The following PROSER2 variants were observed in gnomAD, a reference collection of about 807,000 sequenced individuals.
PROSER2 encodes the protein proline and serine-rich protein 2.
In PROSER2, 18 loss-of-function variants were observed where a neutral mutation model predicts 14.6. That is an observed-to-expected ratio of 1.23 (90% CI 0.85 to 1.83). PROSER2 has a LOEUF of 1.83. Ranked by LOEUF, PROSER2 falls within the 40% of genes most tolerant of loss-of-function variation. PROSER2 has a pLI of 0.00. For synonymous variants in PROSER2, 367 were observed against 286.4 expected, an observed-to-expected ratio of 1.28 and a Z score of -2.84; for missense variants, 823 against 629.8, an observed-to-expected ratio of 1.31 and a Z score of -3.28.
chr10:11,852,098 A>G lies in PROSER2; in HGVS notation c.21A>G (p.Lys7=), dbSNP rs374786234. Residue 7 remains lysine, a synonymous_variant, in exon 2 of 4, where the codon AAA becomes AAG. Transcript: ENST00000277570. The part of the protein sequence containing the change: MPVTHR[K]SDASDMNSDT... ...TGGAGATGCCTGTAACCCACCGGAA[A>G]TCAGACGCATCTGACATGAACTCAG... The G allele has an allele frequency of 6.2e-6, 10 of 1,612,326 alleles. No individual in the cohort carries two copies. Among genetic ancestry groups the G allele is most frequent in the Non-Finnish European group, 8.5e-6 (10 of 1,179,102 alleles).
Position 11,870,060 on chromosome 10 carries a change from GC to G in PROSER2, c.964del (p.Leu322CysfsTer31). 8.0e-7 allele frequency: 1 copy of G among 1,245,404 alleles called. No homozygotes were observed. Among genetic ancestry groups the G allele is most frequent in the Non-Finnish European group, 1.0e-6 (1 of 995,112 alleles). 77.1% of individuals were successfully genotyped at this position (1,245,404 alleles called of 1,614,324 possible). ...SSPERVARGR[G>X]LPGPAESLRA... ...CCGGAGCGGGTGGCGCGTGGCCGGG[GC>G]CTGCCGGGCCCCGCTGAGAGTCTCC... On this transcript the variant is annotated frameshift_variant, in exon 4 of 4. Coordinates refer to ENST00000277570, the MANE Select transcript of PROSER2 (RefSeq NM_153256.4). LOFTEE classifies it low-confidence loss of function (END_TRUNC).
Position 11,865,986 on chromosome 10 carries a change from C to T in PROSER2, c.139-545C>T, listed in dbSNP as rs1431642385. ...GCCTTCTCAGTCAGTTTCCACCTGTCCTGCTCTCCGGCTGCCCTGCTTTTG... is the reference window on the plus strand; with the variant it reads ...GCCTTCTCAGTCAGTTTCCACCTGTTCTGCTCTCCGGCTGCCCTGCTTTTG... On this transcript the variant is annotated intron_variant, in intron 2 of 3. Coordinates refer to ENST00000277570, the MANE Select transcript of PROSER2 (RefSeq NM_153256.4). The surrounding 1 kb of genome is among the most constrained non-coding windows in gnomAD (Gnocchi z 4.2). Among the ~76,000 whole-genome samples the T allele has an allele frequency of 6.6e-6, 1 of 152,144 alleles. No individual in the cohort carries two copies. The highest frequency in any genetic ancestry group is 1.5e-5 in the Non-Finnish European group (1 of 68,022).
At chr10:11,842,971 T>C (rs1195479014) in intron 1 of PROSER2, among the ~76,000 whole-genome samples, 1 of 136,518 alleles carries the variant, frequency 7.3e-6, no homozygotes, top group Non-Finnish European at 1.6e-5. Flanking sequence ...GATGGAGTCT[T>C]GCTCTGTCGC....
intron 1 of PROSER2, among the ~76,000 whole-genome samples, chr10:11,842,117 G>T (rs572092413): frequency 3.3e-5 from 5 of 151,978 alleles, no homozygotes; most frequent in African/African-American, 7.2e-5. Context: ...AGCTACTTGA[G>T]AGGCTAAGGC....
intron 1 of PROSER2, among the ~76,000 whole-genome samples, chr10:11,843,730 C>T (rs1833884376): frequency 6.7e-6 from 1 of 149,164 alleles, no homozygotes; most frequent in Admixed American, 6.7e-5. Context: ...TGGGCTCCTG[C>T]AATCCCAGCT....
At chr10:11,849,129 G>T (rs1833973940) in intron 1 of PROSER2, among the ~76,000 whole-genome samples, 1 of 152,060 alleles carries the variant, frequency 6.6e-6, no homozygotes, top group African/African-American at 2.4e-5. Context: ...GGAGGTTGCG[G>T]TAAGCCGAGA....
At chr10:11,867,855 G>A (rs535824206) in intron 3 of PROSER2, among the ~76,000 whole-genome samples, 166 of 152,250 alleles carry the variant, frequency 1.1e-3, no homozygotes, top group Middle Eastern at 3.4e-3. Flanking sequence ...TTCCCCGATT[G>A]GAAAGGATAC....
At chr10:11,855,342 C>T (rs1219846286) in intron 2 of PROSER2, among the ~76,000 whole-genome samples, 1 of 151,474 alleles carries the variant, frequency 6.6e-6, no homozygotes, top group South Asian at 2.1e-4. Flanking sequence ...GGCGTGTTGG[C>T]GGGCGCCTGT....
At chr10:11,848,544 C>G (rs980834908) in intron 1 of PROSER2, among the ~76,000 whole-genome samples, 1 of 152,174 alleles carries the variant, frequency 6.6e-6, no homozygotes, top group Non-Finnish European at 1.5e-5. Flanking sequence ...TCAGGGCCTT[C>G]TCTTGGTTCT....
chr10:11,847,479 G>A (rs957838949), intron 1 of PROSER2, among the ~76,000 whole-genome samples: 3 of 152,058 alleles, frequency 2.0e-5, no homozygotes, highest in Admixed American at 6.6e-5. Context: ...GTGCATTGGC[G>A]CAATCTCTGC....
At chr10:11,828,704 AAAAT>A (rs1014997458) in intron 1 of PROSER2, among the ~76,000 whole-genome samples, 2 of 152,168 alleles carry the variant, frequency 1.3e-5, no homozygotes, top group African/African-American at 4.8e-5. Context: ...CTTTATCTCC[AAAAT>A]AAATAAATAA....
rs939754025 is a variant in PROSER2, at chr10:11,869,100, C to G, written c.392-390C>G. On this transcript the variant is annotated intron_variant, in intron 3 of 3. Coordinates refer to ENST00000277570, the MANE Select transcript of PROSER2 (RefSeq NM_153256.4). The surrounding 1 kb of genome is among the most constrained non-coding windows in gnomAD (Gnocchi z 4.4). ...GCTACATGTCCTTCATCCAGAAAGA[C>G]CTGCTGGTGTCGGTGTGTGCCACAC... is the stretch of plus-strand genomic sequence containing the variant. Among the ~76,000 whole-genome samples, 7 of 152,176 alleles carry G rather than the reference C, an allele frequency of 4.6e-5. No individual in the cohort carries two copies. The highest frequency in any genetic ancestry group is 1.7e-4 in the African/African-American group (7 of 41,428).
rs1833673501 is a variant in PROSER2 at position 11,830,245 on chromosome 10, A to G, written c.-82+6775A>G. Among the ~76,000 whole-genome samples, 1 of 152,136 alleles carries G rather than the reference A, an allele frequency of 6.6e-6. No homozygotes were observed. Among genetic ancestry groups the G allele is most frequent in the Non-Finnish European group, 1.5e-5 (1 of 68,012 alleles). ...TCACTCTGTGCATTTATGTGGACCC[A>G]TCGTTTAGTTCCCACTTGTGAGAAC... On this transcript the variant is annotated intron_variant, in intron 1 of 3. Transcript: ENST00000277570. The surrounding 1 kb of genome is among the most constrained non-coding windows in gnomAD (Gnocchi z 4.5).
At chr10:11,834,258 G>A (rs1476779795) in intron 1 of PROSER2, among the ~76,000 whole-genome samples, 2 of 150,936 alleles carry the variant, frequency 1.3e-5, no homozygotes, top group African/African-American at 4.8e-5. Flanking sequence ...CTCCCAAAGT[G>A]CTGGGATTAC....
chr10:11,868,103 A>C (rs911215165), intron 3 of PROSER2, among the ~76,000 whole-genome samples: 1 of 152,182 alleles, frequency 6.6e-6, no homozygotes, highest in Admixed American at 6.5e-5. Context: ...CAAAGAGGAG[A>C]AGTAATGTAC....
chr10:11,851,168 A>AT (rs1372014280), intron 1 of PROSER2: 1 of 152,234 alleles, frequency 6.6e-6, no homozygotes, highest in Non-Finnish European at 1.5e-5. Flanking sequence ...GGGTATTGTG[A>AT]TTTTGCCACT....
chr10:11,831,714 G>A lies in PROSER2; in HGVS notation c.-82+8244G>A, dbSNP rs565778114. 4 of 152,128 alleles carry A rather than the reference G, an allele frequency of 2.6e-5. No individual in the cohort carries two copies. The South Asian group carries it at 8.3e-4, about 32-fold the overall frequency. The allele number at this position is 152,128 out of a possible 1,614,324, so 9.4% of individuals were successfully genotyped here. On this transcript the variant is annotated intron_variant, in intron 1 of 3. Transcript: ENST00000277570. ...AGATGTCTGGTCAAGATTGTTTTCAGGTGAGATTTTACTTTAGGAAAATCT... is the reference window on the plus strand; with the variant it reads ...AGATGTCTGGTCAAGATTGTTTTCAAGTGAGATTTTACTTTAGGAAAATCT...
At chr10:11,839,870 G>A (rs1833812452) in intron 1 of PROSER2, among the ~76,000 whole-genome samples, 1 of 151,516 alleles carries the variant, frequency 6.6e-6, no homozygotes, top group South Asian at 2.1e-4. Flanking sequence ...TAGCAGTGGT[G>A]AAAATAGGAA....
At position 11,870,315 on chromosome 10, in the gene PROSER2, G is replaced by A. The variant is rs1437735314; in HGVS notation, c.1217G>A (p.Gly406Asp). 2 of 1,497,210 alleles carry A rather than the reference G, an allele frequency of 1.3e-6. No homozygotes were observed. Among genetic ancestry groups the A allele is most frequent in the South Asian group, 2.5e-5 (2 of 79,548 alleles). The allele number at this position is 1,497,210 out of a possible 1,614,324, so 92.7% of individuals were successfully genotyped here. ...GCAGACTCCCTGCCCCGGCCCCAGGGCATCACCGTGCAGTTCGCGGGCCGC... is the reference window on the plus strand; with the variant it reads ...GCAGACTCCCTGCCCCGGCCCCAGGACATCACCGTGCAGTTCGCGGGCCGC... ...RRADSLPRPQ[G>D]ITVQFAGRGS... The change falls in exon 4 of 4, where the codon GGC becomes GAC. Residue 406 changes from glycine to aspartate, a missense_variant. Coordinates refer to ENST00000277570, the MANE Select transcript of PROSER2 (RefSeq NM_153256.4).
Sources: allele counts gnomAD v4.1 joint callset (sites outside exome capture counted in the v4.1 genomes callset), GRCh38; gene constraint gnomAD v4.1.1; non-coding constraint Gnocchi (gnomAD v3.1); transcripts MANE v1.5; gene names NCBI Gene and HGNC (gene_info 2026-07-23, HGNC 2026-07-21).